Variants in CEP290 observed in about 807,000 individuals in gnomAD.
The protein encoded by CEP290 is centrosomal protein of 290 kDa.
CEP290 carries 317 observed loss-of-function variants against 344.9 expected under a neutral mutation model. The ratio of observed to expected loss-of-function variants is 0.92; its 90% CI spans 0.84 to 1.01. The LOEUF is 1.01. CEP290 is among the 50% of genes least tolerant of loss of function. The pLI is 0.00. For missense variants in CEP290, 2,754 were observed against 2,761.4 expected (o/e 1.00, Z 0.06); for synonymous variants, 932 against 895.8 (o/e 1.04, Z -0.72).
rs1253940761 is a variant in CEP290, at chr12:88,111,292, A to G, written c.2277T>C (p.Val759=). 2 of 1,560,196 alleles carry G rather than the reference A, an allele frequency of 1.3e-6. No homozygotes were observed. The highest frequency in any genetic ancestry group is 1.7e-6 in the Non-Finnish European group (2 of 1,151,996). ...CATCAGGTAAGTCAATTCCTTTAAAAACAACATTTGATCCTTCTGATTGTC... is the reference window on the plus strand; with the variant it reads ...CATCAGGTAAGTCAATTCCTTTAAAGACAACATTTGATCCTTCTGATTGTC... The part of the protein sequence containing the change: ...LLRQSEGSNV[V]FKGIDLPDGI... Residue 759 remains valine (V), a synonymous_variant, in exon 22 of 54, where the codon GTT becomes GTC. Transcript: ENST00000552810.
In CEP290 at chr12:88,086,394, T is replaced by C. The variant is rs1457015763; in HGVS notation, c.4299A>G (p.Gln1433=). 2.5e-6 allele frequency: 4 copies of C among 1,580,186 alleles called. No homozygotes were observed. Among genetic ancestry groups the C allele is most frequent in the Admixed American group, 1.8e-5 (1 of 55,230 alleles). ...AAACAAGATTAATCATTCATACCTT[T>C]TGTGCCGCATTTAGTATTTCATTTT... is the stretch of plus-strand genomic sequence containing the variant. ...RQQNEILNAA[Q]KFEEATGSIP... Residue 1433 remains glutamine, a synonymous_variant, in exon 33 of 54, where the codon CAA becomes CAG. Transcript: ENST00000552810.
At chr12:88,092,038 G>A (rs1461509546) in intron 29 of CEP290, among the ~76,000 whole-genome samples, 1 of 151,892 alleles carries the variant, frequency 6.6e-6, no homozygotes, top group African/African-American at 2.4e-5. Flanking sequence ...TCTGCCTCCC[G>A]AGTAGCTGGG....
intron 3 of CEP290, 76 bp downstream of exon 3, chr12:88,140,880 A>G (rs553258661): frequency 1.1e-5 from 10 of 908,172 alleles, no homozygotes; most frequent in Non-Finnish European, 1.7e-5. Flanking sequence ...TTTCACAAAG[A>G]TTACCTTATA....
chr12:88,077,465 A>G, intron 40 of CEP290, 121 bp from the exon 41 acceptor site: 1 of 712,902 alleles, frequency 1.4e-6, no homozygotes, highest in Non-Finnish European at 2.2e-6. Flanking sequence ...TTTCTAAATG[A>G]CACTTAATAC....
At chr12:88,107,194 C>T in intron 23 of CEP290, 96 bp from the exon 24 acceptor site, 4 of 717,690 alleles carry the variant, frequency 5.6e-6, no homozygotes, top group Non-Finnish European at 8.6e-6. Context: ...AAAGTTTTCT[C>T]AACACAAGAG....
intron 45 of CEP290, 91 bp from the exon 46 acceptor site, chr12:88,062,869 T>G: frequency 3.9e-6 from 3 of 761,836 alleles, no homozygotes; most frequent in Non-Finnish European, 6.5e-6. Context: ...CATCAATCTC[T>G]TCAACTGTAT....
chr12:88,104,633 G>A (rs2471526), intron 25 of CEP290, among the ~76,000 whole-genome samples: 118,337 of 151,634 alleles, frequency 0.78, 50,215 homozygotes, highest in East Asian at 0.96. Context: ...TATATCAAAT[G>A]TATAACATAA....
At chr12:88,061,052 A>C in intron 46 of CEP290, 58 bp from the exon 47 acceptor site, 1 of 1,266,876 alleles carries the variant, frequency 7.9e-7, no homozygotes, top group African/African-American at 1.5e-5. Flanking sequence ...AATACGAAGT[A>C]CCAACAATAC....
chr12:88,068,673 C>T, intron 43 of CEP290, 28 bp from the exon 44 acceptor site: 1 of 1,559,452 alleles, frequency 6.4e-7, no homozygotes, highest in South Asian at 1.3e-5. Context: ...AGACTCTTTA[C>T]TATTCACATT....
At chr12:88,105,939 A>AT (rs2038243179) in intron 25 of CEP290, among the ~76,000 whole-genome samples, 1 of 151,968 alleles carries the variant, frequency 6.6e-6, no homozygotes, top group Non-Finnish European at 1.5e-5. Flanking sequence ...AAAAAAAAAC[A>AT]TTTTTTGTAG....
In CEP290 at chr12:88,068,722, A is replaced by T. The variant is rs558048806; in HGVS notation, c.6012-77T>A. 10 of 1,447,394 alleles carry T rather than the reference A, an allele frequency of 6.9e-6. No homozygotes were observed. In the African/African-American group the frequency reaches 1.3e-4, roughly 19 times the overall value. 89.7% of individuals were successfully genotyped at this position (1,447,394 alleles called of 1,614,324 possible). ...GTTGTACTATATAAAAATACAAGAT[A>T]AAAAAAGAAAAGTTCAGTGTGTTTA... On this transcript the variant is annotated intron_variant, in intron 43 of 53. Transcript: ENST00000552810.
chr12:88,080,460 C>CAAAAA, intron 37 of CEP290, 65 bp from the exon 38 acceptor site: 2 of 1,183,354 alleles, frequency 1.7e-6, no homozygotes, highest in Non-Finnish European at 2.4e-6. Context: ...GACCCAGTCT[C>CAAAAA]ACTCTGTCAC....
At position 88,060,716 on chromosome 12, in the gene CEP290, T is replaced by C; in HGVS notation, c.6522+114A>G. On this transcript the variant is annotated intron_variant, in intron 47 of 53. Transcript: ENST00000552810. Reference sequence around the variant, plus strand: ...AGTTTTTTTCTATATTTATAAAATATGTATTGTATTCATTAAAGCCATTTT... The same window carrying C: ...AGTTTTTTTCTATATTTATAAAATACGTATTGTATTCATTAAAGCCATTTT... 3 of 699,194 alleles carry C rather than the reference T, an allele frequency of 4.3e-6. No individual in the cohort carries two copies. In the South Asian group the frequency reaches 7.0e-5, roughly 16 times the overall value. The allele number at this position is 699,194 out of a possible 1,614,324, so 43.3% of individuals were successfully genotyped here. A position where few individuals can be genotyped will look rare whatever the true frequency, so the allele number is the denominator to read the frequency against.
chr12:88,127,283 T>C (rs984442051), intron 11 of CEP290, among the ~76,000 whole-genome samples: 1 of 151,842 alleles, frequency 6.6e-6, no homozygotes, highest in Admixed American at 6.6e-5. Flanking sequence ...AGGCCAGGGG[T>C]TCAAGACCAG....
At chr12:88,101,312 T>C (rs575960077) in intron 26 of CEP290, among the ~76,000 whole-genome samples, 1 of 151,414 alleles carries the variant, frequency 6.6e-6, no homozygotes, top group Non-Finnish European at 1.5e-5. Flanking sequence ...AAACCCCATC[T>C]CTACTAAAAA....
At chr12:88,091,914 CTTTGTTTG>C (rs1014654407) in intron 29 of CEP290, among the ~76,000 whole-genome samples, 1 of 151,788 alleles carries the variant, frequency 6.6e-6, no homozygotes, top group Non-Finnish European at 1.5e-5. Flanking sequence ...TTTTGTTTTT[CTTTGTTTG>C]TTTGTTTGTT....
chr12:88,064,491 T>C (rs1456775115), intron 44 of CEP290, among the ~76,000 whole-genome samples: 2 of 152,152 alleles, frequency 1.3e-5, no homozygotes, highest in East Asian at 3.9e-4. Context: ...TCCACATTTA[T>C]ATATTAAAGT....
intron 49 of CEP290, 81 bp from the exon 50 acceptor site, chr12:88,055,798 T>A: frequency 2.1e-6 from 2 of 949,018 alleles, no homozygotes; most frequent in Non-Finnish European, 3.0e-6. Context: ...ATAACTGTAC[T>A]AAAAATAAGC....
chr12:88,106,927 T>C, intron 24 of CEP290, 22 bp from the exon 25 acceptor site: 3 of 1,578,848 alleles, frequency 1.9e-6, no homozygotes, highest in Non-Finnish European at 2.6e-6. Context: ...CACATCCATA[T>C]TACTTGTTGA....
Sources: gnomAD v4.1 joint callset for allele counts (sites outside exome capture counted in the v4.1 genomes callset) on GRCh38, gnomAD v4.1.1 for gene constraint, MANE v1.5 for transcripts, NCBI Gene and HGNC (gene_info 2026-07-23, HGNC 2026-07-21) for gene names.